Variants in CPNE2 observed in about 807,000 individuals in gnomAD.
CPNE2 encodes the protein copine-2.
CPNE2 carries 42 observed loss-of-function variants against 69.7 expected under a neutral mutation model. That is an observed-to-expected ratio of 0.60 (90% CI 0.47 to 0.78). CPNE2 has a LOEUF of 0.78. CPNE2 is among the 30% of genes least tolerant of loss of function. CPNE2 has a pLI of 0.00. For synonymous variants in CPNE2, 294 were observed against 289.8 expected, an observed-to-expected ratio of 1.01 and a Z score of -0.15; for missense variants, 587 against 732.0, an observed-to-expected ratio of 0.80 and a Z score of 2.29.
intron 7 of CPNE2, among the ~76,000 whole-genome samples, chr16:57,120,523 A>G (rs1346398211): frequency 6.6e-6 from 1 of 152,136 alleles, no homozygotes; most frequent in Non-Finnish European, 1.5e-5. Context: ...CTGAGAGCAG[A>G]TGGGACTGGG....
chr16:57,117,685 C>T, intron 5 of CPNE2, 118 bp downstream of exon 5: 2 of 1,169,310 alleles, frequency 1.7e-6, no homozygotes, highest in Non-Finnish European at 2.5e-6. Flanking sequence ...AGGGACTGGT[C>T]CAGCACGGGG....
At chr16:57,112,128 G>T (rs1394428352) in intron 2 of CPNE2, among the ~76,000 whole-genome samples, 2 of 152,184 alleles carry the variant, frequency 1.3e-5, no homozygotes, top group African/African-American at 4.8e-5. Context: ...GAGTTCCCAT[G>T]GATGTTGGCT....
At chr16:57,124,237 A>G (rs1260249274) in intron 10 of CPNE2, 7 of 361,950 alleles carry the variant, frequency 1.9e-5, no homozygotes, top group Admixed American at 3.3e-5. Flanking sequence ...GCATGCCATC[A>G]TGCCCAGCTA....
chr16:57,147,558 A>G lies in CPNE2; in HGVS notation c.1547A>G (p.Lys516Arg). The G allele has an allele frequency of 6.9e-6, 11 of 1,601,142 alleles. No homozygotes were observed. The highest frequency in any genetic ancestry group is 9.4e-6 in the Non-Finnish European group (11 of 1,171,328). ...CCCTCCTCCACCCTGCAGGCAGCAA[A>G]AGAGACCTTGGCCAAAGCTGTGCTG... ...VPFREFRNAAKETLAKAVLAE... is the reference protein window; with the variant it reads ...VPFREFRNAARETLAKAVLAE... Residue 516 changes from lysine (K) to arginine (R), a missense_variant, in exon 16 of 16, where the codon AAA becomes AGA. This residue lies in a region of CPNE2 where 185 missense variants were observed against 252.3 expected (regional missense o/e 0.73). Coordinates refer to ENST00000290776, the MANE Select transcript of CPNE2 (RefSeq NM_152727.6).
At chr16:57,101,920 G>A (rs1452153518) in intron 1 of CPNE2, among the ~76,000 whole-genome samples, 1 of 152,076 alleles carries the variant, frequency 6.6e-6, no homozygotes, top group East Asian at 1.9e-4. Context: ...GAGCAGGTCT[G>A]GGTGGGCCCA....
At position 57,146,053 on chromosome 16, in the gene CPNE2, T is replaced by C; in HGVS notation, c.1303-32T>C. The C allele has an allele frequency of 1.3e-6, 2 of 1,575,830 alleles. No individual in the cohort carries two copies. On this transcript the variant is annotated intron_variant, in intron 14 of 15. Transcript: ENST00000290776. The surrounding 1 kb of genome is among the most constrained non-coding windows in gnomAD (Gnocchi z 4.4). Reference sequence around the variant, plus strand: ...AGAAGGGGTGCCAGAGCCTCGACCTTGCTGAGTGCCCCGTTGGCCCCCTCC... The same window carrying C: ...AGAAGGGGTGCCAGAGCCTCGACCTCGCTGAGTGCCCCGTTGGCCCCCTCC...
At chr16:57,113,905 C>T (rs752336278) in intron 3 of CPNE2, among the ~76,000 whole-genome samples, 7 of 152,242 alleles carry the variant, frequency 4.6e-5, no homozygotes, top group Admixed American at 1.3e-4. Flanking sequence ...CGGGGCTAGG[C>T]GCCCCTGACA....
intron 1 of CPNE2, among the ~76,000 whole-genome samples, chr16:57,099,596 G>A (rs765380685): frequency 6.7e-6 from 1 of 149,788 alleles, no homozygotes; most frequent in African/African-American, 2.5e-5. Flanking sequence ...GGTGGGGGTG[G>A]GTGCATAGTG....
In CPNE2 at chr16:57,146,667, G is replaced by T; in HGVS notation, c.1539+346G>T. ...GTGGTGTAAAGTGCAGGAGGAGAGA[G>T]GGGTTTTCCTGATCATCACGCCCCA... On this transcript the variant is annotated intron_variant, in intron 15 of 15. Transcript: ENST00000290776. This position sits in a 1 kb window ranked among gnomAD's most constrained non-coding sequence, Gnocchi z 4.4. The T allele has an allele frequency of 4.3e-6, 1 of 230,740 alleles. No individual in the cohort carries two copies. The allele number at this position is 230,740 out of a possible 1,614,324, so 14.3% of individuals were successfully genotyped here.
intron 1 of CPNE2, among the ~76,000 whole-genome samples, chr16:57,099,922 C>T (rs1158614608): frequency 2.0e-5 from 3 of 151,944 alleles, no homozygotes; most frequent in Non-Finnish European, 2.9e-5. Context: ...ACTACAGGCG[C>T]GTGCACCACG....
At chr16:57,103,176 G>C (rs1361105265) in intron 1 of CPNE2, among the ~76,000 whole-genome samples, 1 of 152,042 alleles carries the variant, frequency 6.6e-6, no homozygotes, top group African/African-American at 2.4e-5. Context: ...AGATTCGAGC[G>C]CAGTGGCACA....
chr16:57,094,466 A>G (rs1279783485), intron 1 of CPNE2, among the ~76,000 whole-genome samples: 3 of 152,176 alleles, frequency 2.0e-5, no homozygotes, highest in African/African-American at 4.8e-5. Context: ...ATGGCTGAGA[A>G]TGGAGCCTCG....
At chr16:57,093,256 G>A (rs1206708456) in intron 1 of CPNE2, among the ~76,000 whole-genome samples, 1 of 145,822 alleles carries the variant, frequency 6.9e-6, no homozygotes, top group African/African-American at 2.5e-5. Flanking sequence ...GGCAACTGCC[G>A]GAGGGCCGGC....
chr16:57,099,643 G>A (rs2069600304), intron 1 of CPNE2, among the ~76,000 whole-genome samples: 1 of 151,794 alleles, frequency 6.6e-6, no homozygotes, highest in Non-Finnish European at 1.5e-5. Context: ...TGTTGCCCTG[G>A]CTGGAGTGCA....
At chr16:57,128,170 A>G (rs1232837190) in intron 12 of CPNE2, among the ~76,000 whole-genome samples, 1 of 152,178 alleles carries the variant, frequency 6.6e-6, no homozygotes, top group East Asian at 1.9e-4. Context: ...ATCAAAATAC[A>G]AGACACCCAG....
At position 57,137,265 on chromosome 16, in the gene CPNE2, C is replaced by A. The variant is rs1567327486; in HGVS notation, c.1285C>A (p.Gln429Lys). The change falls in exon 14 of 16, where the codon CAA (glutamine) becomes AAA (lysine). Residue 429 changes from glutamine to lysine, a missense_variant. Gln to Lys is a moderately conservative substitution (Grantham distance 53). Coordinates refer to ENST00000290776, the MANE Select transcript of CPNE2 (RefSeq NM_152727.6). Reference sequence around the variant, plus strand: ...GGCCCGGTTTGCGGCCCAGGCCACACAACAGCGGACGGCCACGGTGAGTAG... The same window carrying A: ...GGCCCGGTTTGCGGCCCAGGCCACAAAACAGCGGACGGCCACGGTGAGTAG... ...HVARFAAQAT[Q>K]QRTATQYFIL... The A allele has an allele frequency of 1.2e-6, 2 of 1,614,184 alleles. No homozygotes were observed. The highest frequency in any genetic ancestry group is 2.2e-5 in the East Asian group (1 of 44,884).
In CPNE2 at chr16:57,113,277, C is replaced by T. The variant is rs772739238; in HGVS notation, c.181-11C>T. ...TTGACTCTGACTTCCATTTTCCTGC[C>T]CCTCTGCTAGTACGACAGGACAGAA... On this transcript the variant is annotated splice_polypyrimidine_tract_variant and intron_variant, in intron 2 of 15. Transcript: ENST00000290776. The T allele has an allele frequency of 3.1e-6, 5 of 1,611,330 alleles. No individual in the cohort carries two copies. The South Asian group carries it at 5.5e-5, about 18-fold the overall frequency.
chr16:57,113,198 G>C, intron 2 of CPNE2, 90 bp from the exon 3 acceptor site: 2 of 1,252,362 alleles, frequency 1.6e-6, no homozygotes, highest in South Asian at 2.7e-5. Context: ...AGTAGGCATT[G>C]TACAAGTTAG....
chr16:57,137,155 A>G lies in CPNE2; in HGVS notation c.1175A>G (p.Asp392Gly). The G allele has an allele frequency of 6.2e-7, 1 of 1,614,036 alleles. No individual in the cohort carries two copies. Among genetic ancestry groups the G allele is most frequent in the Non-Finnish European group, 8.5e-7 (1 of 1,179,942 alleles). Residue 392 changes from aspartate to glycine, a missense_variant, in exon 14 of 16, where the codon GAT becomes GGT. Asp to Gly is a moderately conservative substitution (Grantham distance 94). Transcript: ENST00000290776. ...GACTCTTCTCCCGAGGCAGGTGTGGATGGTATTGCCCAGGCGTACTCAGCT... is the reference window on the plus strand; with the variant it reads ...GACTCTTCTCCCGAGGCAGGTGTGGGTGGTATTGCCCAGGCGTACTCAGCT... The part of the protein sequence containing the change: ...NPTNPFCSGV[D>G]GIAQAYSACL...
Sources: allele counts gnomAD v4.1 joint callset (sites outside exome capture counted in the v4.1 genomes callset), GRCh38; gene constraint gnomAD v4.1.1; regional missense constraint gnomAD v4.1.1; non-coding constraint Gnocchi (gnomAD v3.1); transcripts MANE v1.5; gene names NCBI Gene and HGNC (gene_info 2026-07-23, HGNC 2026-07-21).